The following CSMD1 variants were observed in gnomAD, a reference collection of about 807,000 sequenced individuals.
CSMD1 encodes CUB and Sushi multiple domains 1, also known as CUB and sushi domain-containing protein 1.
In CSMD1, 213 loss-of-function variants were observed where a neutral mutation model predicts 417.5. The ratio of observed to expected loss-of-function variants is 0.51; its 90% confidence interval spans 0.46 to 0.57. The LOEUF is 0.57. CSMD1 is among the 20% of genes least tolerant of loss of function. CSMD1 has a pLI of 0.00. For synonymous variants in CSMD1, 2,862 were observed against 1,736.8 expected, an observed-to-expected ratio of 1.65 and a Z score of -16.11; for missense variants, 6,923 against 4,529.7, an observed-to-expected ratio of 1.53 and a Z score of -15.17.
chr8:3,234,966 C>A (rs541315663), intron 26 of CSMD1, among the ~76,000 whole-genome samples: 1 of 152,328 alleles, frequency 6.6e-6, no homozygotes, highest in Admixed American at 6.5e-5. Context: ...TGTACATGCA[C>A]AATCTTGTTC....
intron 64 of CSMD1, 97 bp from the exon 65 acceptor site, chr8:2,954,365 ATT>A (rs1489554688): frequency 4.4e-6 from 3 of 683,018 alleles, no homozygotes; most frequent in Admixed American, 3.0e-5. Flanking sequence ...CTTTCTCCAG[ATT>A]TTTTTAATGT....
chr8:4,788,530 G>A, intron 1 of CSMD1: 2 of 1,434,236 alleles, frequency 1.4e-6, no homozygotes, highest in Non-Finnish European at 1.9e-6. Flanking sequence ...CAAGCATTTT[G>A]AACACATGTA....
chr8:3,421,705 T>C (rs11136623), intron 12 of CSMD1, among the ~76,000 whole-genome samples: 48,156 of 152,102 alleles, frequency 0.32, 8,182 homozygotes, highest in South Asian at 0.42. Context: ...TGCTGTAATC[T>C]TGGCTCGCTA....
At chr8:3,488,125 T>C (rs1315543062) in intron 11 of CSMD1, among the ~76,000 whole-genome samples, 2 of 151,752 alleles carry the variant, frequency 1.3e-5, no homozygotes, top group Admixed American at 6.6e-5. Context: ...CTTTTTGAAA[T>C]AGTGTCTTGC....
intron 12 of CSMD1, among the ~76,000 whole-genome samples, chr8:3,464,382 G>C (rs1172790075): frequency 1.3e-5 from 2 of 152,008 alleles, no homozygotes; most frequent in Non-Finnish European, 2.9e-5. Flanking sequence ...GTGGTTATGA[G>C]GGAACCCAAC....
intron 3 of CSMD1, among the ~76,000 whole-genome samples, chr8:4,417,210 C>T (rs1796989452): frequency 3.3e-5 from 5 of 152,054 alleles, no homozygotes; most frequent in Admixed American, 3.3e-4. Flanking sequence ...ATCAGTGTTC[C>T]CACTGGATTT....
In CSMD1 at chr8:4,561,592, G is replaced by C. The variant is rs146726835; in HGVS notation, c.302+75750C>G. 4.2e-3 allele frequency among the ~76,000 whole-genome samples: 646 copies of C among 152,262 alleles called. 3 individuals are homozygous for C. In the East Asian group the frequency reaches 0.059, roughly 14 times the overall value. On this transcript the variant is annotated intron_variant, in intron 2 of 69. Transcript: ENST00000635120. ...AGCTACTCAGGAGGCTGAAGTGGGA[G>C]GATCCCTTGAGCCCAGGAGATTGAG...
intron 3 of CSMD1, among the ~76,000 whole-genome samples, chr8:4,125,968 C>G (rs1462642722): frequency 1.3e-5 from 2 of 152,142 alleles, no homozygotes; most frequent in Non-Finnish European, 2.9e-5. Context: ...TATTGTAAAA[C>G]CTAAGATCTA....
At chr8:3,744,547 C>G (rs1191210411) in intron 6 of CSMD1, among the ~76,000 whole-genome samples, 1 of 152,092 alleles carries the variant, frequency 6.6e-6, no homozygotes, top group Admixed American at 6.5e-5. Context: ...TCTTTATTTT[C>G]ATGTCAGACT....
chr8:3,002,217 T>G (rs186458000), intron 52 of CSMD1, among the ~76,000 whole-genome samples: 27 of 152,306 alleles, frequency 1.8e-4, no homozygotes, highest in African/African-American at 5.5e-4. Context: ...TTCTCCATAT[T>G]GTGAAGAGAG....
Position 4,580,427 on chromosome 8 carries a change from TA to T in CSMD1, c.302+56914del, listed in dbSNP as rs551131286. On this transcript the variant is annotated intron_variant, in intron 2 of 69. Coordinates refer to ENST00000635120, the MANE Select transcript of CSMD1 (RefSeq NM_033225.6). Reference sequence around the variant, plus strand: ...AACACAAATAATGATATTAAAAGCATAAAAAAAACTATTGCATCCACTTTAC... The same window carrying T: ...AACACAAATAATGATATTAAAAGCATAAAAAAACTATTGCATCCACTTTAC... 4.7e-3 allele frequency among the ~76,000 whole-genome samples: 712 copies of T among 152,174 alleles called. 1 individual carries two copies. Among genetic ancestry groups the T allele is most frequent in the Non-Finnish European group, 5.0e-3 (340 of 68,004 alleles).
At chr8:3,411,847 CACGTATATATGCACGTATATAT>C (rs1812754474) in intron 12 of CSMD1, among the ~76,000 whole-genome samples, 1 of 75,712 alleles carries the variant, frequency 1.3e-5, no homozygotes, top group Non-Finnish European at 2.9e-5. Context: ...CGTATATATG[CACGTATATATGCACGTATATAT>C]GCACGTATAT....
At chr8:3,436,461 G>T (rs371148399) in intron 12 of CSMD1, among the ~76,000 whole-genome samples, 1 of 152,134 alleles carries the variant, frequency 6.6e-6, no homozygotes, top group Admixed American at 6.5e-5. Flanking sequence ...CCTCAAAATA[G>T]TGCCTGGCAC....
chr8:4,310,372 G>C (rs768333392), intron 3 of CSMD1, among the ~76,000 whole-genome samples: 3 of 152,162 alleles, frequency 2.0e-5, no homozygotes, highest in Non-Finnish European at 4.4e-5. Flanking sequence ...TTCACAGACA[G>C]TGTTTCTCAC....
chr8:3,227,221 A>G (rs1265413684), intron 27 of CSMD1, among the ~76,000 whole-genome samples: 1 of 152,102 alleles, frequency 6.6e-6, no homozygotes, highest in Non-Finnish European at 1.5e-5. Context: ...CAACATAGTG[A>G]AAACCCATCT....
intron 2 of CSMD1, among the ~76,000 whole-genome samples, chr8:4,527,843 C>A (rs1191771246): frequency 1.3e-5 from 2 of 152,168 alleles, no homozygotes; most frequent in African/African-American, 2.4e-5. Context: ...CAGCCTGTGT[C>A]TTTAAATGGA....
At chr8:4,649,946 C>T (rs972814493) in intron 1 of CSMD1, among the ~76,000 whole-genome samples, 1 of 152,186 alleles carries the variant, frequency 6.6e-6, no homozygotes, top group African/African-American at 2.4e-5. Flanking sequence ...CACAACTCCA[C>T]AGAGTGTCGT....
chr8:3,409,155 G>T (rs565066367), intron 13 of CSMD1, among the ~76,000 whole-genome samples: 1 of 152,178 alleles, frequency 6.6e-6, no homozygotes, highest in Non-Finnish European at 1.5e-5. Flanking sequence ...TGGAAACAAC[G>T]ATATATGTGA....
chr8:3,428,606 A>C (rs1253338164), intron 12 of CSMD1, among the ~76,000 whole-genome samples: 1 of 152,196 alleles, frequency 6.6e-6, no homozygotes, highest in Non-Finnish European at 1.5e-5. Flanking sequence ...ACCGTTAGTG[A>C]GGGTGGAACT....
Sources: gnomAD v4.1 joint callset for allele counts (sites outside exome capture counted in the v4.1 genomes callset) on GRCh38, gnomAD v4.1.1 for gene constraint, MANE v1.5 for transcripts, NCBI Gene and HGNC (gene_info 2026-07-23, HGNC 2026-07-21) for gene names.